Variants in PPWD1 observed in about 807,000 individuals in gnomAD.
PPWD1 encodes peptidylprolyl isomerase domain and WD repeat containing 1, also known as peptidylprolyl isomerase domain and WD repeat-containing protein 1.
PPWD1 carries 43 observed loss-of-function variants against 68.8 expected under a neutral mutation model. The ratio of observed to expected loss-of-function variants is 0.62; its 90% CI spans 0.49 to 0.81. PPWD1 has a LOEUF of 0.81. Ranked by LOEUF, PPWD1 falls within the 30% of genes least tolerant of loss-of-function variation. The pLI is 0.00. For missense variants in PPWD1, 672 were observed against 804.8 expected (o/e 0.83, Z 2.00); for synonymous variants, 232 against 258.7 (o/e 0.90, Z 0.99).
In PPWD1 at chr5:65,587,334, G is replaced by C; in HGVS notation, c.1879G>C (p.Val627Leu). 1 of 1,612,768 alleles carries C rather than the reference G, an allele frequency of 6.2e-7. No homozygotes were observed. Among genetic ancestry groups the C allele is most frequent in the Non-Finnish European group, 8.5e-7 (1 of 1,179,142 alleles). Reference protein sequence around the residue: ...EVVQRISNVKVNPKTDKPYED... With the variant: ...EVVQRISNVKLNPKTDKPYED... Reference sequence around the variant, plus strand: ...TGTACAGAGGATCTCCAACGTCAAAGTCAATCCCAAAACAGATAAGCCCTA... The same window carrying C: ...TGTACAGAGGATCTCCAACGTCAAACTCAATCCCAAAACAGATAAGCCCTA... The change falls in exon 11 of 11, where the codon GTC becomes CTC. Residue 627 changes from valine (V) to leucine (L), a missense_variant. By Grantham distance (32) the Val-to-Leu change is conservative. This residue lies in a region of PPWD1 where 484 missense variants were observed against 646.2 expected (regional missense o/e 0.75). Transcript: ENST00000261308.
chr5:65,567,458 A>C (rs3756301), intron 1 of PPWD1, 55 bp from the exon 2 acceptor site: 365,553 of 1,494,074 alleles, frequency 0.24, 47,104 homozygotes, highest in South Asian at 0.34. Flanking sequence ...AATACAAAAT[A>C]GTATTTGGTT....
chr5:65,572,783 G>A (rs55841350), intron 5 of PPWD1, among the ~76,000 whole-genome samples: 6,239 of 152,122 alleles, frequency 0.041, 180 homozygotes, highest in Middle Eastern at 0.092. Flanking sequence ...ATTCACTGGA[G>A]TCCTGCCAAT....
intron 7 of PPWD1, among the ~76,000 whole-genome samples, chr5:65,582,370 A>T (rs1267197735): frequency 6.6e-6 from 1 of 152,176 alleles, no homozygotes; most frequent in Non-Finnish European, 1.5e-5. Context: ...CAGGGTTTAG[A>T]TTCTAGGTCA....
chr5:65,575,440 C>T (rs1045787898), intron 5 of PPWD1, among the ~76,000 whole-genome samples: 1 of 152,208 alleles, frequency 6.6e-6, no homozygotes, highest in African/African-American at 2.4e-5. Flanking sequence ...TGACCTTGTG[C>T]TTATACCCTA....
In PPWD1 at chr5:65,569,903, C is replaced by T. The variant is rs149511641; in HGVS notation, c.426C>T (p.Ser142=). ...HLGVIESIAV[S]SEGALFCSVG... is the part of the protein sequence containing the mutation. Reference sequence around the variant, plus strand: ...GAGTTATTGAGAGTATTGCAGTTAGCTCTGAGGGAGCATTGTTCTGTTCTG... The same window carrying T: ...GAGTTATTGAGAGTATTGCAGTTAGTTCTGAGGGAGCATTGTTCTGTTCTG... The change falls in exon 4 of 11, where the codon AGC becomes AGT. Residue 142 remains serine (S), a synonymous_variant. Transcript: ENST00000261308. 8.7e-4 allele frequency: 1,399 copies of T among 1,609,786 alleles called. 10 individuals carry two copies. The highest frequency in any genetic ancestry group is 6.3e-3 in the Admixed American group (375 of 59,934).
At chr5:65,564,361 G>T (rs1443107818) in intron 1 of PPWD1, among the ~76,000 whole-genome samples, 3 of 127,932 alleles carry the variant, frequency 2.3e-5, no homozygotes, top group East Asian at 2.4e-4. Context: ...GTCTCGCTCT[G>T]TCGCCCAGGC....
At chr5:65,586,714 A>G (rs547428460) in intron 10 of PPWD1, among the ~76,000 whole-genome samples, 1 of 152,290 alleles carries the variant, frequency 6.6e-6, no homozygotes, top group East Asian at 1.9e-4. Context: ...TGTAACTACC[A>G]TCTGCCAGGC....
intron 1 of PPWD1, 109 bp downstream of exon 1, chr5:65,563,615 A>T: frequency 7.1e-7 from 1 of 1,409,330 alleles, no homozygotes; most frequent in Non-Finnish European, 9.6e-7. Flanking sequence ...TGCCCTCAGA[A>T]CAGAGGGCCG....
Position 65,567,553 on chromosome 5 carries a change from T to C in PPWD1, c.237T>C (p.Ser79=). ...FERVYLDNLP[S]ASMYERSYMH... is the part of the protein sequence containing the mutation. Reference sequence around the variant, plus strand: ...GAGTCTATCTTGATAATCTCCCCAGTGCATCCATGTATGAGCGCAGTTACA... The same window carrying C: ...GAGTCTATCTTGATAATCTCCCCAGCGCATCCATGTATGAGCGCAGTTACA... Residue 79 remains serine, a synonymous_variant, in exon 2 of 11, where the codon AGT becomes AGC. Transcript: ENST00000261308. 1 of 1,612,762 alleles carries C rather than the reference T, an allele frequency of 6.2e-7. No homozygotes were observed. Among genetic ancestry groups the C allele is most frequent in the Non-Finnish European group, 8.5e-7 (1 of 1,179,150 alleles).
chr5:65,586,918 C>G (rs757649744), intron 10 of PPWD1, among the ~76,000 whole-genome samples: 1 of 152,118 alleles, frequency 6.6e-6, no homozygotes, highest in African/African-American at 2.4e-5. Flanking sequence ...ATAAACTGTT[C>G]AGGTAAGAGT....
At chr5:65,571,450 C>T (rs1294392896) in intron 4 of PPWD1, among the ~76,000 whole-genome samples, 3 of 152,106 alleles carry the variant, frequency 2.0e-5, no homozygotes, top group Non-Finnish European at 2.9e-5. Context: ...TTATAAAATA[C>T]ACTATTACAT....
chr5:65,563,583 A>T, intron 1 of PPWD1, 77 bp downstream of exon 1: 2 of 1,494,010 alleles, frequency 1.3e-6, no homozygotes, highest in Non-Finnish European at 1.8e-6. Flanking sequence ...AGATCCGAAG[A>T]GGGATGATGT....
chr5:65,563,933 A>G, intron 1 of PPWD1: 1 of 1,152,574 alleles, frequency 8.7e-7, no homozygotes, highest in East Asian at 2.6e-5. Context: ...GGCGGTGCTT[A>G]TTTCGAATCA....
intron 1 of PPWD1, among the ~76,000 whole-genome samples, chr5:65,567,240 C>T (rs1406892952): frequency 6.6e-6 from 1 of 151,644 alleles, no homozygotes; most frequent in Non-Finnish European, 1.5e-5. Context: ...AAGCCAGAAG[C>T]ACTCATTTCT....
At chr5:65,583,478 G>T (rs1428507694) in intron 8 of PPWD1, among the ~76,000 whole-genome samples, 4 of 152,128 alleles carry the variant, frequency 2.6e-5, no homozygotes, top group Admixed American at 6.5e-5. Flanking sequence ...AAACTGTAAA[G>T]TGATACACAA....
chr5:65,563,980 C>G (rs1752501705), intron 1 of PPWD1: 1 of 781,948 alleles, frequency 1.3e-6, no homozygotes, highest in South Asian at 1.7e-5. Context: ...GACACTTCCA[C>G]TAATAAATTT....
Position 65,586,222 on chromosome 5 carries a change from G to A in PPWD1, c.1797+41G>A, listed in dbSNP as rs771309701. On this transcript the variant is annotated intron_variant, in intron 10 of 10. Coordinates refer to ENST00000261308, the MANE Select transcript of PPWD1 (RefSeq NM_015342.4). ...TTGTTTATAAACTACAGATTGATAG[G>A]TTATGATGTAAGAGAGTGAACTCAG... 1.0e-5 allele frequency: 16 copies of A among 1,566,198 alleles called. 1 individual carries two copies. Among genetic ancestry groups the A allele is most frequent in the Non-Finnish European group, 1.4e-5 (16 of 1,151,060 alleles).
In PPWD1 at chr5:65,567,601, T is replaced by C. The variant is rs1561721674; in HGVS notation, c.285T>C (p.His95=). The stretch of plus-strand genomic sequence containing the variant: ...ACATGCATAGAGATGTTATCACCCA[T>C]GTGGTATGCACCAAGTAAGTCTATC... ...RSYMHRDVIT[H]VVCTKTDFII... The change falls in exon 2 of 11, where the codon CAT becomes CAC. Residue 95 remains histidine, a synonymous_variant. Transcript: ENST00000261308. 2 of 1,609,392 alleles carry C rather than the reference T, an allele frequency of 1.2e-6. No individual in the cohort carries two copies. The highest frequency in any genetic ancestry group is 1.1e-5 in the South Asian group (1 of 90,402).
intron 1 of PPWD1, chr5:65,564,000 G>C (rs1352068827): frequency 1.3e-5 from 9 of 699,004 alleles, no homozygotes; most frequent in Non-Finnish European, 2.1e-5. Flanking sequence ...TTCGCATCTA[G>C]GGAAAATGAC....
Sources: allele counts gnomAD v4.1 joint callset (sites outside exome capture counted in the v4.1 genomes callset), GRCh38; gene constraint gnomAD v4.1.1; regional missense constraint gnomAD v4.1.1; transcripts MANE v1.5; gene names NCBI Gene and HGNC (gene_info 2026-07-23, HGNC 2026-07-21).